The following TRAPPC3 variants were observed in gnomAD, a reference collection of about 807,000 sequenced individuals.
TRAPPC3 encodes trafficking protein particle complex 3.
A neutral mutation model predicts 18.2 loss-of-function variants in TRAPPC3; 5 were observed. The observed-to-expected ratio is 0.28, with a 90% confidence interval of 0.14 to 0.58. TRAPPC3 has a LOEUF of 0.58. Ranked by LOEUF, TRAPPC3 falls within the 20% of genes least tolerant of loss-of-function variation. The pLI is 0.91. For synonymous variants in TRAPPC3, 65 were observed against 84.2 expected, an observed-to-expected ratio of 0.77 and a Z score of 1.25; for missense variants, 176 against 225.9, an observed-to-expected ratio of 0.78 and a Z score of 1.41.
intron 1 of TRAPPC3, 87 bp from the exon 2 acceptor site, chr1:36,140,253 C>A: frequency 1.3e-6 from 1 of 785,830 alleles, no homozygotes; most frequent in Non-Finnish European, 1.9e-6. Flanking sequence ...ATGCAACTGT[C>A]AGGATTCCCT....
upstream of TRAPPC3, among the ~76,000 whole-genome samples, chr1:36,149,793 C>T (rs1257984911): frequency 6.6e-6 from 1 of 152,236 alleles, no homozygotes; most frequent in Non-Finnish European, 1.5e-5. Context: ...TGATGCTCCA[C>T]AAATTCCTCT....
chr1:36,154,788 G>A (rs903292851), intron 1 of TRAPPC3, among the ~76,000 whole-genome samples: 3 of 152,144 alleles, frequency 2.0e-5, no homozygotes, highest in African/African-American at 7.2e-5. Context: ...GATTTTGTAG[G>A]AGAGCAAATT....
At chr1:36,149,781 G>A (rs750859863), upstream of TRAPPC3, among the ~76,000 whole-genome samples, 45 of 152,194 alleles carry the variant, frequency 3.0e-4, no homozygotes, top group Non-Finnish European at 5.3e-4. Context: ...CCGGCTCAGA[G>A]ATGATGCTCC....
intron 1 of TRAPPC3, among the ~76,000 whole-genome samples, chr1:36,141,556 G>A (rs762588546): frequency 5.3e-5 from 8 of 152,228 alleles, no homozygotes; most frequent in Admixed American, 1.3e-4. Context: ...TAAATACTGC[G>A]TTCTACTTGT....
intron 1 of TRAPPC3, among the ~76,000 whole-genome samples, chr1:36,148,095 A>C (rs529799480): frequency 2.6e-5 from 4 of 152,368 alleles, no homozygotes; most frequent in South Asian, 2.1e-4. Context: ...ATTGAAGATC[A>C]ATCAAGTAAG....
At chr1:36,139,247 C>T (rs1013833410) in intron 3 of TRAPPC3, among the ~76,000 whole-genome samples, 2 of 148,740 alleles carry the variant, frequency 1.3e-5, no homozygotes, top group African/African-American at 5.0e-5. Context: ...CAACCTCCGC[C>T]TCCTGGGTTC....
At chr1:36,151,464 G>C (rs1002715398), upstream of TRAPPC3, among the ~76,000 whole-genome samples, 2 of 152,082 alleles carry the variant, frequency 1.3e-5, no homozygotes, top group Non-Finnish European at 2.9e-5. Context: ...ACAACAACCA[G>C]CTGAGCATTG....
At chr1:36,154,081 T>C (rs887604298), upstream of TRAPPC3, among the ~76,000 whole-genome samples, 2 of 152,202 alleles carry the variant, frequency 1.3e-5, no homozygotes, top group Admixed American at 1.3e-4. Context: ...CTTGGCTCAC[T>C]GCAACCTCCG....
intron 1 of TRAPPC3, among the ~76,000 whole-genome samples, chr1:36,147,801 G>A (rs995655277): frequency 3.9e-5 from 6 of 152,190 alleles, no homozygotes; most frequent in African/African-American, 1.4e-4. Flanking sequence ...CAAGAGCCTT[G>A]AGGGCAGGAG....
chr1:36,141,156 A>G (rs6664471), intron 1 of TRAPPC3, among the ~76,000 whole-genome samples: 101,698 of 151,274 alleles, frequency 0.67, 35,317 homozygotes, highest in Admixed American at 0.78. Context: ...AGACTCTGTC[A>G]AAAAAAAAAG....
chr1:36,137,007 G>T lies in TRAPPC3; in HGVS notation c.*196C>A. On this transcript the variant is annotated 3_prime_UTR_variant, in exon 5 of 5. Transcript: ENST00000373166. The stretch of plus-strand genomic sequence containing the variant: ...CAAGGGAATGGGGGCAGAGACTGTC[G>T]CTCCTGAATGTGCACACATGGGGTA... 2.0e-6 allele frequency: 1 copy of T among 508,382 alleles called. No individual in the cohort carries two copies. 31.5% of individuals were successfully genotyped at this position (508,382 alleles called of 1,614,324 possible). A position where few individuals can be genotyped will look rare whatever the true frequency, so the allele number is the denominator to read the frequency against.
At chr1:36,141,063 C>A (rs920474248) in intron 1 of TRAPPC3, 1 of 152,070 alleles carries the variant, frequency 6.6e-6, no homozygotes, top group African/African-American at 2.4e-5. Context: ...GAGGCTGAGG[C>A]AGGAGAATGG....
intron 2 of TRAPPC3, 22 bp from the exon 3 acceptor site, chr1:36,139,841 AGACTATGATGG>A (rs1644081718): frequency 6.2e-7 from 1 of 1,613,726 alleles, no homozygotes; most frequent in South Asian, 1.1e-5. Context: ...GTTAGAGAAG[AGACTATGATGG>A]AGTCTAAATG....
chr1:36,152,590 G>GT (rs1481760071), upstream of TRAPPC3, among the ~76,000 whole-genome samples: 2 of 152,076 alleles, frequency 1.3e-5, no homozygotes, highest in African/African-American at 4.8e-5. Flanking sequence ...GATTACAGGT[G>GT]TGAGCCACCC....
At chr1:36,152,395 C>T (rs554049436), upstream of TRAPPC3, among the ~76,000 whole-genome samples, 2 of 151,598 alleles carry the variant, frequency 1.3e-5, no homozygotes, top group African/African-American at 2.4e-5. Context: ...GCAACCTCCG[C>T]CTCCCAGGTT....
chr1:36,138,583 A>G (rs940268039), intron 3 of TRAPPC3, among the ~76,000 whole-genome samples: 2 of 152,232 alleles, frequency 1.3e-5, no homozygotes, highest in African/African-American at 4.8e-5. Flanking sequence ...TATTAATACT[A>G]TAACAGATAG....
intron 1 of TRAPPC3, among the ~76,000 whole-genome samples, chr1:36,145,969 A>G (rs1225864321): frequency 2.0e-5 from 3 of 149,486 alleles, no homozygotes; most frequent in East Asian, 2.0e-4. Flanking sequence ...TAGTAGAGAC[A>G]GGGTTTCACC....
At chr1:36,143,725 G>A (rs1012008454) in intron 1 of TRAPPC3, among the ~76,000 whole-genome samples, 1 of 152,194 alleles carries the variant, frequency 6.6e-6, no homozygotes, top group Non-Finnish European at 1.5e-5. Context: ...CCATTTTACA[G>A]ATGACAGGTT....
At chr1:36,148,478 C>G (rs1265630349) in intron 1 of TRAPPC3, among the ~76,000 whole-genome samples, 2 of 151,952 alleles carry the variant, frequency 1.3e-5, no homozygotes, top group Non-Finnish European at 2.9e-5. Flanking sequence ...ACCTGTAATC[C>G]CAGCTACTCG....
Sources: allele counts gnomAD v4.1 joint callset (sites outside exome capture counted in the v4.1 genomes callset), GRCh38; gene constraint gnomAD v4.1.1; transcripts MANE v1.5; gene names NCBI Gene and HGNC (gene_info 2026-07-23, HGNC 2026-07-21).